The following IQSEC1 variants were observed in gnomAD, a reference collection of about 807,000 sequenced individuals.
The protein encoded by IQSEC1 is IQ motif and SEC7 domain-containing protein 1.
Under a neutral mutation model 91.0 loss-of-function variants are expected in IQSEC1, and 31 were observed. That is an observed-to-expected ratio of 0.34 (90% confidence interval 0.26 to 0.46). The LOEUF (loss-of-function observed/expected upper bound fraction) is 0.46. IQSEC1 is among the 20% of genes least tolerant of loss of function. IQSEC1 has a pLI of 1.00. For missense variants in IQSEC1, 1,388 were observed against 1,575.6 expected (o/e 0.88, Z 2.02); for synonymous variants, 699 against 662.6 (o/e 1.05, Z -0.84).
intron 1 of IQSEC1, among the ~76,000 whole-genome samples, chr3:13,025,823 C>T (rs373892368): frequency 1.2e-4 from 18 of 152,348 alleles, no homozygotes; most frequent in African/African-American, 4.3e-4. Flanking sequence ...TGCTGACCGT[C>T]ACCCACAGGA....
intron 1 of IQSEC1, among the ~76,000 whole-genome samples, chr3:13,022,802 G>A (rs1298613425): frequency 6.6e-6 from 1 of 152,228 alleles, no homozygotes; most frequent in Non-Finnish European, 1.5e-5. Context: ...AATCAGGGCT[G>A]CTCCTCTGGA....
At chr3:13,250,564 G>T (rs1198228103) in intron 1 of IQSEC1, among the ~76,000 whole-genome samples, 1 of 151,088 alleles carries the variant, frequency 6.6e-6, no homozygotes, top group African/African-American at 2.4e-5. Flanking sequence ...CCTCCGAGTA[G>T]CTGGGATTAC....
chr3:12,910,204 T>TA (rs1231309908), intron 10 of IQSEC1, among the ~76,000 whole-genome samples: 2 of 152,176 alleles, frequency 1.3e-5, no homozygotes, highest in Non-Finnish European at 2.9e-5. Context: ...GCAAACCATA[T>TA]AAAAGATAAC....
At chr3:12,984,993 T>G (rs1424859929) in intron 1 of IQSEC1, among the ~76,000 whole-genome samples, 1 of 151,420 alleles carries the variant, frequency 6.6e-6, no homozygotes, top group African/African-American at 2.4e-5. Context: ...CCCGGCTAAT[T>G]TTTTGTATTT....
rs140923172 is a variant in IQSEC1, at chr3:13,201,638, C to T, written c.273-37505G>A. On this transcript the variant is annotated intron_variant, in intron 1 of 15. Coordinates refer to the IQSEC1 transcript ENST00000648114. ...GGATTATGGGCCTTAGCCACCGTGC[C>T]CAGACTGCTTTAAGATTTCATATGC... Among the ~76,000 whole-genome samples the T allele has an allele frequency of 7.1e-3, 1,081 of 152,328 alleles. 4 individuals are homozygous for T. Among genetic ancestry groups the T allele is most frequent in the Non-Finnish European group, 9.9e-3 (674 of 68,028 alleles).
intron 1 of IQSEC1, chr3:13,022,502 G>C (rs899887731): frequency 2.0e-6 from 2 of 985,464 alleles, no homozygotes; most frequent in Non-Finnish European, 2.4e-6. Context: ...AGGGGCGTCC[G>C]CCGGTGAGGA....
chr3:12,915,614 G>T lies in IQSEC1; in HGVS notation c.2140C>A (p.Leu714Ile). The T allele has an allele frequency of 1.2e-6, 2 of 1,614,098 alleles. No homozygotes were observed. The highest frequency in any genetic ancestry group is 1.7e-6 in the Non-Finnish European group (2 of 1,180,000). ...HVSQVQKVEK[L>I]IVGKKPIGSL... ...CATACCGGCTTTTTCCCCACAATGA[G>T]CTTCTCCACCTTCTGCACCTGGGAC... The change falls in exon 7 of 14, where the codon CTC (leucine) becomes ATC (isoleucine). Residue 714 changes from leucine to isoleucine, a missense_variant. Leu to Ile is a conservative substitution (Grantham distance 5, BLOSUM62 2). Coordinates refer to ENST00000613206, the MANE Select transcript of IQSEC1 (RefSeq NM_001134382.3).
chr3:13,005,508 C>T (rs1382781661), intron 1 of IQSEC1, among the ~76,000 whole-genome samples: 11 of 150,542 alleles, frequency 7.3e-5, no homozygotes, highest in Non-Finnish European at 4.4e-5. Context: ...TGGGTGACCA[C>T]GGAGGCAGGC....
chr3:12,985,115 C>T lies in IQSEC1; in HGVS notation c.24-43250G>A, dbSNP rs149733226. Among the ~76,000 whole-genome samples, 90 of 152,324 alleles carry T rather than the reference C, an allele frequency of 5.9e-4. 1 individual carries two copies. The East Asian group carries it at 0.014, about 23-fold the overall frequency. ...CTGGGATTACAGGCGTGAGCCACCG[C>T]GCCCAGCCGCAATTACATTTTTAAG... On this transcript the variant is annotated intron_variant, in intron 1 of 13. Coordinates refer to ENST00000613206, the MANE Select transcript of IQSEC1 (RefSeq NM_001134382.3).
upstream of IQSEC1, among the ~76,000 whole-genome samples, chr3:13,075,858 G>A (rs887659408): frequency 6.6e-6 from 1 of 152,168 alleles, no homozygotes; most frequent in South Asian, 2.1e-4. Flanking sequence ...CTCTGACTAC[G>A]GAACCCACAA....
intron 2 of IQSEC1, among the ~76,000 whole-genome samples, chr3:13,121,662 T>TG (rs995736739): frequency 6.6e-6 from 1 of 152,098 alleles, no homozygotes; most frequent in African/African-American, 2.4e-5. Context: ...AGGCCAGCGC[T>TG]GGGGGGACAG....
intron 1 of IQSEC1, among the ~76,000 whole-genome samples, chr3:13,191,584 G>T (rs1694034339): frequency 7.0e-6 from 1 of 143,650 alleles, no homozygotes; most frequent in African/African-American, 2.6e-5. Context: ...TGATCCACCT[G>T]CCTCTGCCTC....
intron 1 of IQSEC1, among the ~76,000 whole-genome samples, chr3:12,986,757 A>C (rs959928777): frequency 6.6e-6 from 1 of 152,170 alleles, no homozygotes; most frequent in African/African-American, 2.4e-5. Flanking sequence ...AGCTGGGACG[A>C]GAACCAGGCT....
chr3:13,186,985 C>T (rs904039616), intron 1 of IQSEC1, among the ~76,000 whole-genome samples: 2 of 152,062 alleles, frequency 1.3e-5, no homozygotes, highest in Non-Finnish European at 2.9e-5. Context: ...TCCCTCCTTC[C>T]TTCCTGCCGC....
intron 1 of IQSEC1, among the ~76,000 whole-genome samples, chr3:13,030,455 T>C (rs539145775): frequency 6.6e-6 from 1 of 152,348 alleles, no homozygotes; most frequent in Admixed American, 6.5e-5. Flanking sequence ...ATTTATTAAA[T>C]ATTTTCTTTT....
intron 1 of IQSEC1, among the ~76,000 whole-genome samples, chr3:13,278,259 C>A (rs1695727872): frequency 6.6e-6 from 1 of 152,048 alleles, no homozygotes; most frequent in Admixed American, 6.5e-5. Flanking sequence ...CCCCCCCCCA[C>A]CCCCAGCCTC....
intron 2 of IQSEC1, among the ~76,000 whole-genome samples, chr3:13,137,326 T>C (rs1336535140): frequency 6.6e-6 from 1 of 152,184 alleles, no homozygotes; most frequent in African/African-American, 2.4e-5. Context: ...CTGTAGAATA[T>C]TGACACAATT....
rs1340444842 is a variant in IQSEC1, at chr3:12,900,879, G to A, written c.*104C>T. The A allele has an allele frequency of 2.0e-6, 3 of 1,534,316 alleles. No individual in the cohort carries two copies. Among genetic ancestry groups the A allele is most frequent in the East Asian group, 2.4e-5 (1 of 40,900 alleles). On this transcript the variant is annotated 3_prime_UTR_variant, in exon 14 of 14. Transcript: ENST00000613206. Reference sequence around the variant, plus strand: ...GCCGTGAGGGGCAGAGGGGAGAGATGGCAACAGAAGTGCCCCGGGTTTGGT... The same window carrying A: ...GCCGTGAGGGGCAGAGGGGAGAGATAGCAACAGAAGTGCCCCGGGTTTGGT...
intron 1 of IQSEC1, among the ~76,000 whole-genome samples, chr3:13,033,687 T>G (rs2125016286): frequency 6.6e-6 from 1 of 152,230 alleles, no homozygotes; most frequent in East Asian, 1.9e-4. Flanking sequence ...CGTGTTTCAA[T>G]CTGAGTCTGA....
Sources: allele counts gnomAD v4.1 joint callset (sites outside exome capture counted in the v4.1 genomes callset), GRCh38; gene constraint gnomAD v4.1.1; transcripts MANE v1.5; gene names NCBI Gene and HGNC (gene_info 2026-07-23, HGNC 2026-07-21).